MYRIP: variants seen among roughly 807,000 people sequenced by gnomAD.
MYRIP encodes myosin VIIA and Rab interacting protein.
In MYRIP, 49 loss-of-function variants were observed where a neutral mutation model predicts 98.0. The observed-to-expected ratio is 0.50, with a 90% confidence interval of 0.40 to 0.63. MYRIP has a LOEUF of 0.63. Among genes scored for constraint, MYRIP ranks in the 30% least tolerant of loss-of-function variants. The probability of loss-of-function intolerance (pLI) is 0.00; values close to 1 mark genes in which losing one functional copy is unlikely to be tolerated. For missense variants in MYRIP, 1,004 were observed against 1,058.2 expected (o/e 0.95, Z 0.71); for synonymous variants, 404 against 409.5 (o/e 0.99, Z 0.16).
intron 2 of MYRIP, among the ~76,000 whole-genome samples, chr3:40,024,447 CAG>C (rs1211839368): frequency 1.3e-5 from 2 of 151,904 alleles, no homozygotes; most frequent in African/African-American, 2.4e-5. Context: ...AGGGCAGGTG[CAG>C]AGAGAGATGG....
intron 1 of MYRIP, among the ~76,000 whole-genome samples, chr3:39,897,528 T>C (rs1943640618): frequency 6.6e-6 from 1 of 152,204 alleles, no homozygotes; most frequent in African/African-American, 2.4e-5. Context: ...GGGGCACCGG[T>C]CTGGAAGTTA....
At chr3:40,026,840 C>T (rs1278829008) in intron 2 of MYRIP, among the ~76,000 whole-genome samples, 4 of 152,138 alleles carry the variant, frequency 2.6e-5, no homozygotes, top group Non-Finnish European at 4.4e-5. Flanking sequence ...AAACATCCTC[C>T]TTGTTCCTCC....
rs1020524881 is a variant in MYRIP at position 39,873,592 on chromosome 3, G to A, written c.-30-27195G>A. On this transcript the variant is annotated intron_variant, in intron 1 of 16. Coordinates refer to ENST00000302541, the MANE Select transcript of MYRIP (RefSeq NM_015460.4). ...TTTTCCCAGCACCATTTATTAAATA[G>A]GGAATCTTTTCCCCATTGCTTATTT... 9.3e-4 allele frequency among the ~76,000 whole-genome samples: 142 copies of A among 152,296 alleles called. 1 individual carries two copies. Among genetic ancestry groups the A allele is most frequent in the African/African-American group, 3.3e-3 (136 of 41,562 alleles).
intron 2 of MYRIP, among the ~76,000 whole-genome samples, chr3:39,945,691 CAA>C (rs1944885888): frequency 1.3e-5 from 2 of 151,674 alleles, no homozygotes; most frequent in African/African-American, 4.8e-5. Context: ...AAAAGTTAAT[CAA>C]AAGAGAGATC....
intron 2 of MYRIP, among the ~76,000 whole-genome samples, chr3:39,948,875 G>A (rs529535462): frequency 1.2e-4 from 18 of 152,198 alleles, no homozygotes; most frequent in Non-Finnish European, 1.9e-4. Context: ...GTGGAACACC[G>A]AAGACAAACA....
At chr3:40,053,314 A>C (rs1388744525) in intron 3 of MYRIP, among the ~76,000 whole-genome samples, 1 of 152,164 alleles carries the variant, frequency 6.6e-6, no homozygotes, top group Non-Finnish European at 1.5e-5. Flanking sequence ...TGCCCTGTCT[A>C]AATCAGATCT....
At chr3:40,214,952 C>G (rs1952073035) in intron 11 of MYRIP, among the ~76,000 whole-genome samples, 1 of 152,126 alleles carries the variant, frequency 6.6e-6, no homozygotes, top group African/African-American at 2.4e-5. Flanking sequence ...CCAGCAGTCC[C>G]CAAGGTCCCT....
At chr3:39,943,018 G>A (rs1402426752) in intron 2 of MYRIP, among the ~76,000 whole-genome samples, 1 of 152,148 alleles carries the variant, frequency 6.6e-6, no homozygotes, top group Non-Finnish European at 1.5e-5. Flanking sequence ...AGTTGTGGAT[G>A]TGGTGGTGAT....
chr3:40,072,397 C>T (rs374087279), intron 3 of MYRIP, among the ~76,000 whole-genome samples: 43 of 151,914 alleles, frequency 2.8e-4, no homozygotes, highest in East Asian at 7.8e-4. Context: ...TTAGTAGAGA[C>T]GGTTTCACAA....
intron 3 of MYRIP, among the ~76,000 whole-genome samples, chr3:40,080,744 G>A (rs1948456837): frequency 7.0e-6 from 1 of 143,152 alleles, no homozygotes; most frequent in African/African-American, 2.6e-5. Context: ...ACCAATTTCT[G>A]ACTTGCTAGA....
intron 1 of MYRIP, among the ~76,000 whole-genome samples, chr3:39,846,542 T>G (rs903473720): frequency 3.3e-5 from 5 of 152,166 alleles, no homozygotes; most frequent in African/African-American, 4.8e-5. Flanking sequence ...CCTGCAGGTG[T>G]TAGAAGTGCC....
chr3:40,173,105 G>C (rs984089469), intron 8 of MYRIP: 3 of 152,240 alleles, frequency 2.0e-5, no homozygotes, highest in African/African-American at 7.2e-5. Context: ...ATAATGGAGT[G>C]ATGGTCAGGT....
intron 8 of MYRIP, among the ~76,000 whole-genome samples, chr3:40,172,571 C>T (rs951671122): frequency 1.3e-5 from 2 of 152,292 alleles, no homozygotes; most frequent in Admixed American, 6.5e-5. Context: ...CTTATTTCCA[C>T]GTTTCAAAAT....
intron 11 of MYRIP, among the ~76,000 whole-genome samples, chr3:40,226,555 T>C (rs528031068): frequency 2.6e-5 from 4 of 152,312 alleles, no homozygotes; most frequent in South Asian, 4.1e-4. Flanking sequence ...ATTACCTTTC[T>C]GAAGCACAGG....
chr3:39,862,053 G>A (rs920203407), intron 1 of MYRIP, among the ~76,000 whole-genome samples: 1 of 152,078 alleles, frequency 6.6e-6, no homozygotes, highest in Non-Finnish European at 1.5e-5. Flanking sequence ...GATTCTCCAA[G>A]GTTGGAATGA....
intron 2 of MYRIP, among the ~76,000 whole-genome samples, chr3:40,027,470 G>A (rs1476290453): frequency 6.6e-6 from 1 of 151,914 alleles, no homozygotes; most frequent in Non-Finnish European, 1.5e-5. Context: ...TACTTGTTCT[G>A]TCTGGGATGC....
chr3:40,078,033 G>A (rs1948389117), intron 3 of MYRIP, among the ~76,000 whole-genome samples: 1 of 152,244 alleles, frequency 6.6e-6, no homozygotes, highest in Non-Finnish European at 1.5e-5. Context: ...AGGGTGGGAG[G>A]CTCAGGCATG....
chr3:39,853,952 G>A (rs999278775), intron 1 of MYRIP, among the ~76,000 whole-genome samples: 3 of 152,118 alleles, frequency 2.0e-5, no homozygotes, highest in African/African-American at 7.2e-5. Context: ...TGAGGACCCA[G>A]TTTTACTCTT....
intron 10 of MYRIP, among the ~76,000 whole-genome samples, chr3:40,204,226 TA>T (rs1559452096): frequency 1.3e-4 from 4 of 31,706 alleles, no homozygotes; most frequent in Non-Finnish European, 1.9e-4. Context: ...TATATATAAA[TA>T]TATATATATT....
Sources: allele counts gnomAD v4.1 joint callset (sites outside exome capture counted in the v4.1 genomes callset), GRCh38; gene constraint gnomAD v4.1.1; transcripts MANE v1.5; gene names NCBI Gene and HGNC (gene_info 2026-07-23, HGNC 2026-07-21).